The following RIPOR2 variants were observed in gnomAD, a reference collection of about 807,000 sequenced individuals.
The protein encoded by RIPOR2 is RHO family interacting cell polarization regulator 2, also known as rho family-interacting cell polarization regulator 2.
RIPOR2 carries 39 observed loss-of-function variants against 114.5 expected under a neutral mutation model. That is an observed-to-expected ratio of 0.34 (90% CI 0.26 to 0.44). The LOEUF (loss-of-function observed/expected upper bound fraction) is 0.44, where lower values mean the gene tolerates loss of function less well. Ranked by LOEUF, RIPOR2 falls within the 20% of genes least tolerant of loss-of-function variation. The pLI is 1.00. For synonymous variants in RIPOR2, 445 were observed against 484.4 expected, an observed-to-expected ratio of 0.92 and a Z score of 1.07; for missense variants, 1,007 against 1,255.1, an observed-to-expected ratio of 0.80 and a Z score of 2.99.
chr6:25,023,524 G>A (rs1191595169), intron 1 of RIPOR2: 28 of 772,720 alleles, frequency 3.6e-5, no homozygotes, highest in Middle Eastern at 3.6e-4. Context: ...GCCAGAAAGC[G>A]GTGTACACCA....
At chr6:24,853,090 C>T (rs1763122723) in intron 8 of RIPOR2, among the ~76,000 whole-genome samples, 1 of 152,172 alleles carries the variant, frequency 6.6e-6, no homozygotes, top group African/African-American at 2.4e-5. Context: ...CCCCAATTTA[C>T]TCATTCTGAT....
intron 1 of RIPOR2, among the ~76,000 whole-genome samples, chr6:25,034,127 A>G (rs1777127385): frequency 6.6e-6 from 1 of 151,998 alleles, no homozygotes. Context: ...TTTACAAAAG[A>G]AATGGGAGTG....
intron 1 of RIPOR2, among the ~76,000 whole-genome samples, chr6:24,974,018 T>A (rs898835483): frequency 5.3e-5 from 8 of 152,160 alleles, no homozygotes; most frequent in Non-Finnish European, 8.8e-5. Context: ...CTGGGTGACC[T>A]GGGTCAATTG....
chr6:24,853,463 C>T (rs185531383), intron 8 of RIPOR2, among the ~76,000 whole-genome samples: 16 of 152,234 alleles, frequency 1.1e-4, no homozygotes, highest in Non-Finnish European at 1.5e-4. Context: ...AGCTAGGCAT[C>T]GGGGTAATAA....
chr6:24,808,168 T>G (rs2113616874), intron 21 of RIPOR2, among the ~76,000 whole-genome samples: 1 of 152,280 alleles, frequency 6.6e-6, no homozygotes, highest in African/African-American at 2.4e-5. Flanking sequence ...ATATGAGCAG[T>G]GTGCATGAAG....
chr6:24,973,542 A>G (rs1773890439), intron 1 of RIPOR2, among the ~76,000 whole-genome samples: 2 of 151,030 alleles, frequency 1.3e-5, no homozygotes, highest in East Asian at 3.9e-4. Context: ...GATTGCAGGG[A>G]GCTGAGATCA....
chr6:24,882,925 G>T (rs552277512), intron 1 of RIPOR2, among the ~76,000 whole-genome samples: 37 of 152,244 alleles, frequency 2.4e-4, no homozygotes, highest in African/African-American at 8.9e-4. Context: ...TTTTATTTCT[G>T]ATTTTTCAGA....
At chr6:24,843,644 T>A in intron 12 of RIPOR2, 90 bp from the exon 13 acceptor site, 1 of 997,878 alleles carries the variant, frequency 1.0e-6, no homozygotes, top group Non-Finnish European at 1.4e-6. Flanking sequence ...TATAAGGCAA[T>A]TACAATGAAA....
intron 1 of RIPOR2, among the ~76,000 whole-genome samples, chr6:25,017,590 C>T (rs377337540): frequency 2.6e-5 from 4 of 152,248 alleles, no homozygotes; most frequent in Non-Finnish European, 5.9e-5. Flanking sequence ...CACCTGGCCA[C>T]GCCTATCACC....
At chr6:24,839,880 C>G in intron 13 of RIPOR2, 1 of 1,103,720 alleles carries the variant, frequency 9.1e-7, no homozygotes, top group Non-Finnish European at 1.1e-6. Context: ...ATCCCAGAAA[C>G]AGGAAGTGGT....
intron 1 of RIPOR2, among the ~76,000 whole-genome samples, chr6:25,040,037 CA>C (rs1777397574): frequency 6.6e-6 from 1 of 152,052 alleles, no homozygotes; most frequent in Non-Finnish European, 1.5e-5. Flanking sequence ...TTGTCTATAC[CA>C]GGGGCTTTTA....
At chr6:24,936,015 T>C (rs1771784062), upstream of RIPOR2, 1 of 694,390 alleles carries the variant, frequency 1.4e-6, no homozygotes, top group Non-Finnish European at 2.5e-6. Context: ...GGAGGGCAGC[T>C]TCCGCATCTG....
upstream of RIPOR2, among the ~76,000 whole-genome samples, chr6:24,937,883 C>A (rs640845): frequency 0.14 from 20,802 of 152,154 alleles, 1,589 homozygotes; most frequent in East Asian, 0.33. Flanking sequence ...CAGTTCACTG[C>A]AGCATCCCCG....
chr6:24,849,770 C>A, intron 11 of RIPOR2, 32 bp downstream of exon 11: 2 of 1,586,200 alleles, frequency 1.3e-6, no homozygotes, highest in South Asian at 1.1e-5. Flanking sequence ...TCAGATATTT[C>A]TATATGATGA....
At chr6:24,947,037 G>T (rs1772453220) in intron 1 of RIPOR2, among the ~76,000 whole-genome samples, 1 of 152,010 alleles carries the variant, frequency 6.6e-6, no homozygotes, top group African/African-American at 2.4e-5. Context: ...AAAGAAAAAA[G>T]GAGGAAGAAA....
At chr6:25,024,443 G>A (rs141669030) in intron 1 of RIPOR2, 5 of 930,602 alleles carry the variant, frequency 5.4e-6, no homozygotes, top group African/African-American at 3.2e-5. Context: ...TGTCCAGGCC[G>A]CCACCATAGG....
At chr6:25,016,106 T>C (rs1001087993) in intron 1 of RIPOR2, among the ~76,000 whole-genome samples, 2 of 151,720 alleles carry the variant, frequency 1.3e-5, no homozygotes, top group South Asian at 2.1e-4. Context: ...GGGGTTTCAC[T>C]ATGTTGGCCA....
At chr6:24,870,195 A>G (rs1286899263) in intron 5 of RIPOR2, among the ~76,000 whole-genome samples, 1 of 152,232 alleles carries the variant, frequency 6.6e-6, no homozygotes, top group Non-Finnish European at 1.5e-5. Flanking sequence ...TTCATGGCAC[A>G]TGAAATAATG....
intron 20 of RIPOR2, among the ~76,000 whole-genome samples, chr6:24,811,472 A>C (rs1454985347): frequency 6.8e-6 from 1 of 147,244 alleles, no homozygotes; most frequent in Non-Finnish European, 1.5e-5. Context: ...CCTGACCTCA[A>C]GTGATACGCC....
Sources: allele counts gnomAD v4.1 joint callset (sites outside exome capture counted in the v4.1 genomes callset), GRCh38; gene constraint gnomAD v4.1.1; transcripts MANE v1.5; gene names NCBI Gene and HGNC (gene_info 2026-07-23, HGNC 2026-07-21).